The following FRMPD4 variants were observed in gnomAD, a reference collection of about 807,000 sequenced individuals.
FRMPD4 encodes FERM and PDZ domain containing 4.
FRMPD4 carries 22 observed loss-of-function variants against 94.1 expected under a neutral mutation model. That is an observed-to-expected ratio of 0.23 (90% CI 0.17 to 0.33). FRMPD4 has a LOEUF of 0.33. Among genes scored for constraint, FRMPD4 ranks in the 10% least tolerant of loss-of-function variants. The pLI is 1.00. For synonymous variants in FRMPD4, 631 were observed against 548.6 expected (o/e 1.15, Z -2.10); for missense variants, 1,111 against 1,339.9 (o/e 0.83, Z 2.67).
chrX:11,835,461 A>G (rs922588965), intron 1 of FRMPD4, among the ~76,000 whole-genome samples: 1 of 112,157 alleles, frequency 8.9e-6, no homozygotes, highest in African/African-American at 3.2e-5. Flanking sequence ...TATGTACATA[A>G]ATAGAGAGGA....
At chrX:12,264,255 A>G (rs950446387) in intron 1 of FRMPD4, among the ~76,000 whole-genome samples, 1 of 112,082 alleles carries the variant, frequency 8.9e-6, no homozygotes, top group Admixed American at 9.4e-5. Flanking sequence ...CTAATGTAGA[A>G]TAGTAGAAGA....
At chrX:12,348,947 C>T (rs189867378) in intron 1 of FRMPD4, among the ~76,000 whole-genome samples, 3 of 112,396 alleles carry the variant, frequency 2.7e-5, no homozygotes, top group East Asian at 2.8e-4. Flanking sequence ...CTACCAACCT[C>T]GATATGGAAT....
intron 1 of FRMPD4, among the ~76,000 whole-genome samples, chrX:12,265,262 G>C (rs779121806): frequency 2.0e-4 from 22 of 112,370 alleles, no homozygotes; most frequent in Non-Finnish European, 3.9e-4. Flanking sequence ...ATAAATCTGA[G>C]AAGCCCTGGT....
At chrX:11,901,943 A>G (rs1161509279) in intron 3 of FRMPD4, among the ~76,000 whole-genome samples, 1 of 111,067 alleles carries the variant, frequency 9.0e-6, no homozygotes, top group Non-Finnish European at 1.9e-5. Context: ...CTGCTTCGTG[A>G]TGGGATTATT....
At chrX:12,475,675 A>G (rs2057587591) in intron 1 of FRMPD4, among the ~76,000 whole-genome samples, 1 of 111,993 alleles carries the variant, frequency 8.9e-6, no homozygotes, top group Non-Finnish European at 1.9e-5. Flanking sequence ...AATAACAGAC[A>G]AACAGAGAGC....
At chrX:12,124,542 A>C (rs1167612320) in intron 3 of FRMPD4, among the ~76,000 whole-genome samples, 1 of 112,557 alleles carries the variant, frequency 8.9e-6, no homozygotes, top group Non-Finnish European at 1.9e-5. Context: ...ACAAAACTTA[A>C]TGATATTACA....
At chrX:12,009,864 C>T (rs2054572769) in intron 3 of FRMPD4, among the ~76,000 whole-genome samples, 1 of 111,634 alleles carries the variant, frequency 9.0e-6, no homozygotes, top group Non-Finnish European at 1.9e-5. Context: ...TTTTGTAAAC[C>T]TTTTAAAATC....
At chrX:12,295,134 G>C (rs771302789) in intron 1 of FRMPD4, among the ~76,000 whole-genome samples, 2 of 111,879 alleles carry the variant, frequency 1.8e-5, no homozygotes, top group Non-Finnish European at 3.8e-5. Flanking sequence ...CATGCTTCCA[G>C]CTTATAAAGG....
intron 1 of FRMPD4, among the ~76,000 whole-genome samples, chrX:12,168,086 GC>G (rs991552231): frequency 9.0e-6 from 1 of 110,573 alleles, no homozygotes; most frequent in Non-Finnish European, 1.9e-5. Context: ...GTGCGGGGCA[GC>G]CCCCACACAA....
chrX:11,872,276 A>T (rs1299261293), intron 2 of FRMPD4, among the ~76,000 whole-genome samples: 1 of 112,405 alleles, frequency 8.9e-6, no homozygotes, highest in African/African-American at 3.2e-5. Flanking sequence ...TTCAAAGCTA[A>T]TTTACTTAAT....
At chrX:12,574,193 T>C (rs2058787087) in intron 2 of FRMPD4, among the ~76,000 whole-genome samples, 1 of 111,233 alleles carries the variant, frequency 9.0e-6, no homozygotes, top group Admixed American at 9.5e-5. Flanking sequence ...TAGAGATGGG[T>C]TTCACCATGT....
chrX:12,090,569 G>C (rs2055145654), intron 3 of FRMPD4, among the ~76,000 whole-genome samples: 1 of 110,758 alleles, frequency 9.0e-6, no homozygotes, highest in Admixed American at 9.7e-5. Flanking sequence ...TTCCGATACA[G>C]TGAGGCTCCT....
chrX:12,031,779 A>G (rs935547795), intron 3 of FRMPD4, among the ~76,000 whole-genome samples: 30 of 111,938 alleles, frequency 2.7e-4, no homozygotes, highest in African/African-American at 9.7e-4. Flanking sequence ...GTATTTTAGA[A>G]AGCTCCCTCT....
chrX:12,145,750 T>C (rs895946752), intron 1 of FRMPD4, among the ~76,000 whole-genome samples: 1 of 112,317 alleles, frequency 8.9e-6, no homozygotes, highest in Non-Finnish European at 1.9e-5. Flanking sequence ...CATGGGTATT[T>C]TACTGTTCTT....
At chrX:12,528,691 T>A (rs1347659057) in intron 2 of FRMPD4, among the ~76,000 whole-genome samples, 1 of 111,487 alleles carries the variant, frequency 9.0e-6, no homozygotes, top group Non-Finnish European at 1.9e-5. Context: ...TGCACTGGGC[T>A]CCTCATATTA....
chrX:12,544,972 T>G (rs777299925), intron 2 of FRMPD4, among the ~76,000 whole-genome samples: 2 of 112,126 alleles, frequency 1.8e-5, no homozygotes, highest in East Asian at 5.6e-4. Flanking sequence ...GCCCCTTCTG[T>G]GTGAGTTTAA....
intron 3 of FRMPD4, among the ~76,000 whole-genome samples, chrX:11,918,745 C>G (rs1249032527): frequency 8.9e-6 from 1 of 112,664 alleles, no homozygotes; most frequent in Non-Finnish European, 1.9e-5. Context: ...AGTGAGCCAT[C>G]TAAGCAGAGC....
intron 1 of FRMPD4, among the ~76,000 whole-genome samples, chrX:11,860,460 A>G (rs183224720): frequency 9.8e-5 from 11 of 112,057 alleles, no homozygotes; most frequent in African/African-American, 3.6e-4. Flanking sequence ...TTGATGCTAC[A>G]GAATGTATCC....
chrX:12,197,319 G>A (rs994534369), intron 1 of FRMPD4, among the ~76,000 whole-genome samples: 7 of 111,122 alleles, frequency 6.3e-5, no homozygotes, highest in Admixed American at 1.9e-4. Context: ...ATGAGACAGC[G>A]ACCCATTTAC....
Sources: gnomAD v4.1 joint callset for allele counts (sites outside exome capture counted in the v4.1 genomes callset) on GRCh38, gnomAD v4.1.1 for gene constraint, MANE v1.5 for transcripts, NCBI Gene and HGNC (gene_info 2026-07-23, HGNC 2026-07-21) for gene names.